The following ZIM3 variants were observed in gnomAD, a reference collection of about 807,000 sequenced individuals.
ZIM3 encodes zinc finger imprinted 3, also known as zinc finger protein 657.
Under a neutral mutation model 12.9 loss-of-function variants are expected in ZIM3, and 11 were observed. That is an observed-to-expected ratio of 0.85 (90% CI 0.54 to 1.41). The LOEUF is 1.41. ZIM3 is among the 40% of genes most tolerant of loss of function. ZIM3 has a pLI of 0.00. For synonymous variants in ZIM3, 205 were observed against 198.5 expected (o/e 1.03, Z -0.28); for missense variants, 604 against 557.2 (o/e 1.08, Z -0.85).
chr19:57,139,376 A>T (rs1318263048), intron 2 of ZIM3, among the ~76,000 whole-genome samples: 3 of 151,348 alleles, frequency 2.0e-5, no homozygotes, highest in African/African-American at 4.9e-5. Flanking sequence ...ATGTTATTAT[A>T]TTTTTTTTCT....
chr19:57,143,309 C>A (rs187341484), intron 1 of ZIM3, among the ~76,000 whole-genome samples: 5 of 146,166 alleles, frequency 3.4e-5, no homozygotes, highest in Admixed American at 7.0e-5. Flanking sequence ...CCAGCCTGGG[C>A]GACAGAGCGA....
At position 57,138,533 on chromosome 19, in the gene ZIM3, G is replaced by C. The variant is rs17305556; in HGVS notation, c.81C>G (p.Pro27=). 1.2e-6 allele frequency: 2 copies of C among 1,613,936 alleles called. No individual in the cohort carries two copies. Among genetic ancestry groups the C allele is most frequent in the Non-Finnish European group, 1.7e-6 (2 of 1,179,974 alleles). The part of the protein sequence containing the change: ...FTQGEWQRLN[P]EQRNLYRDVM... The stretch of plus-strand genomic sequence containing the variant: ...CATCCCTGTACAAGTTTCTCTGTTC[G>C]GGATTCAGCCGCTGCCACTCCCCCT... Residue 27 remains proline (P), a synonymous_variant, in exon 3 of 5, where the codon CCC becomes CCG. Coordinates refer to ENST00000269834, the MANE Select transcript of ZIM3 (RefSeq NM_052882.1).
chr19:57,136,367 AAG>A (rs2086886843), intron 4 of ZIM3, among the ~76,000 whole-genome samples: 2 of 152,106 alleles, frequency 1.3e-5, no homozygotes, highest in African/African-American at 2.4e-5. Context: ...GAGATTAAGA[AAG>A]AGAGTTTGCC....
At chr19:57,139,832 A>G (rs1474529710) in intron 2 of ZIM3, among the ~76,000 whole-genome samples, 1 of 152,194 alleles carries the variant, frequency 6.6e-6, no homozygotes, top group Non-Finnish European at 1.5e-5. Context: ...TTCAGACTGG[A>G]TGGTGCGCTC....
At chr19:57,141,256 G>A (rs1042966484) in intron 2 of ZIM3, among the ~76,000 whole-genome samples, 8 of 151,866 alleles carry the variant, frequency 5.3e-5, no homozygotes, top group South Asian at 2.1e-4. Context: ...TTAGCCGGGC[G>A]TGGGCGTGGT....
chr19:57,135,025 T>A lies in ZIM3; in HGVS notation c.1312A>T (p.Lys438Ter), dbSNP rs111350153. 31,607 of 1,614,182 alleles carry A rather than the reference T, an allele frequency of 0.02. 391 individuals are homozygous for A. The highest frequency in any genetic ancestry group is 0.023 in the Non-Finnish European group (26,728 of 1,180,032). Residue 438 changes from lysine (K) to a stop codon, truncating the protein, a stop_gained, in exon 5 of 5, where the codon AAA (lysine) becomes TAA (stop). Coordinates refer to ENST00000269834, the MANE Select transcript of ZIM3 (RefSeq NM_052882.1). LOFTEE classifies it low-confidence loss of function (END_TRUNC). ...GGTTTTTGTCCAGTATGGGTTTTTT[T>A]ATGCAAACTAAGGTTTAATTTCCGG... ...FIRKLNLSLH[K>*]KTHTGQKPYG...
Position 57,136,165 on chromosome 19 carries a change from A to G in ZIM3, c.242-70T>C, listed in dbSNP as rs2086886015. On this transcript the variant is annotated intron_variant, in intron 4 of 4. Coordinates refer to ENST00000269834, the MANE Select transcript of ZIM3 (RefSeq NM_052882.1). ...CACATGCTTGAAATAAAATGCCATA[A>G]ACAATCTATTGTGGTGATTATTCTG... is the stretch of plus-strand genomic sequence containing the variant. 4 of 1,381,712 alleles carry G rather than the reference A, an allele frequency of 2.9e-6. No individual in the cohort carries two copies. In the Admixed American group the frequency reaches 8.4e-5, roughly 29 times the overall value. 85.6% of individuals were successfully genotyped at this position (1,381,712 alleles called of 1,614,324 possible).
chr19:57,139,517 G>A (rs1335558032), intron 2 of ZIM3, among the ~76,000 whole-genome samples: 1 of 152,010 alleles, frequency 6.6e-6, no homozygotes, highest in African/African-American at 2.4e-5. Context: ...CCCGGGGTCA[G>A]GAGTTCGAGA....
Position 57,135,892 on chromosome 19 carries a change from T to G in ZIM3, c.445A>C (p.Asn149His). ...TTGCCAACTAATTTTCTGTATCCAT[T>G]ATCATCGTGAGAATTATTTTGTACA... ...HYVQNNSHDD[N>H]GYRKLVGNNP... is the part of the protein sequence containing the mutation. Residue 149 changes from asparagine (N) to histidine (H), a missense_variant, in exon 5 of 5, where the codon AAT becomes CAT. Coordinates refer to ENST00000269834, the MANE Select transcript of ZIM3 (RefSeq NM_052882.1). 5.0e-6 allele frequency: 8 copies of G among 1,614,170 alleles called. No individual in the cohort carries two copies. Among genetic ancestry groups the G allele is most frequent in the Non-Finnish European group, 5.9e-6 (7 of 1,180,028 alleles).
In ZIM3 at chr19:57,144,708, TA is replaced by T. The variant is rs1009862387; in HGVS notation, c.-43+150del. Among the ~76,000 whole-genome samples the T allele has an allele frequency of 6.3e-4, 94 of 149,284 alleles. 1 individual carries two copies. Among genetic ancestry groups the T allele is most frequent in the Non-Finnish European group, 1.1e-3 (76 of 67,126 alleles). On this transcript the variant is annotated intron_variant, in intron 1 of 4. Coordinates refer to ENST00000269834, the MANE Select transcript of ZIM3 (RefSeq NM_052882.1). ...GAGCATCACTTTTCAATATGACAAC[TA>T]AAAAAAAAATCTAAACTACCAATGT...
At position 57,135,893 on chromosome 19, in the gene ZIM3, A is replaced by G. The variant is rs918762029; in HGVS notation, c.444T>C (p.Asp148=). 1.1e-5 allele frequency: 18 copies of G among 1,614,162 alleles called. No homozygotes were observed. The highest frequency in any genetic ancestry group is 1.4e-5 in the Non-Finnish European group (17 of 1,180,030). The change falls in exon 5 of 5, where the codon GAT becomes GAC. Residue 148 remains aspartate (D), a synonymous_variant. Transcript: ENST00000269834. The stretch of plus-strand genomic sequence containing the variant: ...TGCCAACTAATTTTCTGTATCCATT[A>G]TCATCGTGAGAATTATTTTGTACAT... ...QHYVQNNSHD[D]NGYRKLVGNN...
chr19:57,135,715 A>T lies in ZIM3; in HGVS notation c.622T>A (p.Trp208Arg), dbSNP rs766718644. 11 of 1,613,664 alleles carry T rather than the reference A, an allele frequency of 6.8e-6. No homozygotes were observed. The highest frequency in any genetic ancestry group is 1.1e-5 in the South Asian group (1 of 91,068). Reference sequence around the variant, plus strand: ...GTTTTCTGATGTTTATCAAGCTTCCACTTCTCCCCGAATGCTCTTCCACAG... The same window carrying T: ...GTTTTCTGATGTTTATCAAGCTTCCTCTTCTCCCCGAATGCTCTTCCACAG... The part of the protein sequence containing the change: ...HSCGRAFGEK[W>R]KLDKHQKTHA... The change falls in exon 5 of 5, where the codon TGG becomes AGG. Residue 208 changes from tryptophan to arginine, a missense_variant. By Grantham distance (101) the Trp-to-Arg change is moderately radical. Transcript: ENST00000269834.
chr19:57,136,681 A>AG (rs1315122311), intron 4 of ZIM3, among the ~76,000 whole-genome samples, 192 bp downstream of exon 4: 1 of 151,106 alleles, frequency 6.6e-6, no homozygotes, highest in African/African-American at 2.4e-5. Context: ...AAAAAAGAAA[A>AG]AAAAAAGAGT....
chr19:57,134,670 T>G lies in ZIM3; in HGVS notation c.*248A>C. The stretch of plus-strand genomic sequence containing the variant: ...AAAACTCCATCAGGGTTTTAGCACA[T>G]TTGGTTTATTGCTACATCTTCAGTG... On this transcript the variant is annotated 3_prime_UTR_variant, in exon 5 of 5. Coordinates refer to ENST00000269834, the MANE Select transcript of ZIM3 (RefSeq NM_052882.1). 2 of 440,624 alleles carry G rather than the reference T, an allele frequency of 4.5e-6. No individual in the cohort carries two copies. Among genetic ancestry groups the G allele is most frequent in the East Asian group, 3.8e-5 (1 of 26,490 alleles). 27.3% of individuals were successfully genotyped at this position (440,624 alleles called of 1,614,324 possible). A position where few individuals can be genotyped will look rare whatever the true frequency, so the allele number is the denominator to read the frequency against.
At chr19:57,137,118 G>T in intron 3 of ZIM3, 147 bp from the exon 4 acceptor site, 1 of 748,326 alleles carries the variant, frequency 1.3e-6, no homozygotes, top group Non-Finnish European at 2.3e-6. Context: ...GTGGGTATGT[G>T]CCATTGGTTG....
At chr19:57,144,500 C>G (rs1176006145) in intron 1 of ZIM3, among the ~76,000 whole-genome samples, 1 of 152,092 alleles carries the variant, frequency 6.6e-6, no homozygotes, top group African/African-American at 2.4e-5. Flanking sequence ...GCTTTCACCA[C>G]AAAAATAGAT....
chr19:57,139,454 G>A (rs1468593912), intron 2 of ZIM3, among the ~76,000 whole-genome samples: 1 of 152,012 alleles, frequency 6.6e-6, no homozygotes, highest in Non-Finnish European at 1.5e-5. Context: ...GGCCTGGCAT[G>A]GTGGCTCACA....
chr19:57,136,002 A>G lies in ZIM3; in HGVS notation c.335T>C (p.Leu112Pro), dbSNP rs777632005. Residue 112 changes from leucine to proline, a missense_variant, in exon 5 of 5, where the codon CTG becomes CCG. By Grantham distance (98) the Leu-to-Pro change is moderately conservative (BLOSUM62 -3). Coordinates refer to ENST00000269834, the MANE Select transcript of ZIM3 (RefSeq NM_052882.1). ...ACATTCTACACCTTTCTGCGTAGTCAGCGTTTCCTTATTGATTGATGGGAC... is the reference window on the plus strand; with the variant it reads ...ACATTCTACACCTTTCTGCGTAGTCGGCGTTTCCTTATTGATTGATGGGAC... The part of the protein sequence containing the change: ...REVPSINKET[L>P]TTQKGVECDG... 3 of 1,614,154 alleles carry G rather than the reference A, an allele frequency of 1.9e-6. No homozygotes were observed. Among genetic ancestry groups the G allele is most frequent in the Non-Finnish European group, 1.7e-6 (2 of 1,180,034 alleles).
At position 57,138,519 on chromosome 19, in the gene ZIM3, A is replaced by G; in HGVS notation, c.95T>C (p.Leu32Ser). Residue 32 changes from leucine (L) to serine (S), a missense_variant, in exon 3 of 5, where the codon TTG becomes TCG. Coordinates refer to ENST00000269834, the MANE Select transcript of ZIM3 (RefSeq NM_052882.1). ...WQRLNPEQRN[L>S]YRDVMLENYS... is the part of the protein sequence containing the mutation. ...ATTCTCCAGCATCACATCCCTGTAC[A>G]AGTTTCTCTGTTCGGGATTCAGCCG... 1 of 1,613,958 alleles carries G rather than the reference A, an allele frequency of 6.2e-7. No individual in the cohort carries two copies. Among genetic ancestry groups the G allele is most frequent in the Non-Finnish European group, 8.5e-7 (1 of 1,179,938 alleles).
Sources: gnomAD v4.1 joint callset for allele counts (sites outside exome capture counted in the v4.1 genomes callset) on GRCh38, gnomAD v4.1.1 for gene constraint, MANE v1.5 for transcripts, NCBI Gene and HGNC (gene_info 2026-07-23, HGNC 2026-07-21) for gene names.